Variants in GPHN observed in about 807,000 individuals in gnomAD.
GPHN encodes the protein gephyrin.
GPHN carries 17 observed loss-of-function variants against 95.5 expected under a neutral mutation model. That is an observed-to-expected ratio of 0.18 (90% CI 0.12 to 0.27). The LOEUF (loss-of-function observed/expected upper bound fraction) is 0.27, where lower values mean the gene tolerates loss of function less well. GPHN is among the 10% of genes least tolerant of loss of function. GPHN has a pLI of 1.00. For synonymous variants in GPHN, 320 were observed against 322.5 expected, an observed-to-expected ratio of 0.99 and a Z score of 0.08; for missense variants, 660 against 978.1, an observed-to-expected ratio of 0.67 and a Z score of 4.34.
At chr14:66,614,447 G>T (rs28663518) in intron 1 of GPHN, among the ~76,000 whole-genome samples, 47,201 of 151,922 alleles carry the variant, frequency 0.31, 11,177 homozygotes, top group African/African-American at 0.64. Flanking sequence ...CTATTAAGAT[G>T]TAAATGATAT....
the GPHN span, among the ~76,000 whole-genome samples, chr14:67,602,989 G>A: frequency 3.9e-5 from 6 of 152,184 alleles, no homozygotes; most frequent in African/African-American, 7.2e-5. Context: ...CATTCATTTC[G>A]CCAAACTTCC....
the GPHN span, among the ~76,000 whole-genome samples, chr14:67,556,402 C>A: frequency 6.6e-6 from 1 of 152,184 alleles, no homozygotes; most frequent in African/African-American, 2.4e-5. Context: ...TCCCAAAGTG[C>A]TGAGATTACA....
chr14:67,691,583 A>T, the GPHN span: 1 of 222,444 alleles, frequency 4.5e-6, no homozygotes, highest in Non-Finnish European at 8.9e-6. Context: ...AGCAAGAGAA[A>T]AAAGAATGTT....
Position 66,922,955 on chromosome 14 carries a change from T to C in GPHN, c.729+17T>C, listed in dbSNP as rs1405198398. Reference sequence around the variant, plus strand: ...GCTGCCAAGGTAAGCCTGATGAGAGTTACTCAGAGGCCTAAAGGACCCACA... The same window carrying C: ...GCTGCCAAGGTAAGCCTGATGAGAGCTACTCAGAGGCCTAAAGGACCCACA... On this transcript the variant is annotated intron_variant, in intron 7 of 22. Transcript: ENST00000478722. The C allele has an allele frequency of 1.6e-5, 26 of 1,607,584 alleles. No individual in the cohort carries two copies. In the Middle Eastern group the frequency reaches 6.6e-4, roughly 41 times the overall value.
intron 18 of GPHN, among the ~76,000 whole-genome samples, chr14:67,148,098 C>A (rs974469937): frequency 1.3e-5 from 2 of 152,038 alleles, no homozygotes; most frequent in Non-Finnish European, 2.9e-5. Flanking sequence ...TACTTGGTTA[C>A]CTAATTTTTC....
chr14:67,319,438 A>G, the GPHN span, among the ~76,000 whole-genome samples: 1 of 152,180 alleles, frequency 6.6e-6, no homozygotes, highest in African/African-American at 2.4e-5. Context: ...AGCATTCCAG[A>G]GTAGAGTAAA....
chr14:67,310,961 G>T, the GPHN span, among the ~76,000 whole-genome samples: 1 of 152,128 alleles, frequency 6.6e-6, no homozygotes. Context: ...TGCCCCTTTT[G>T]GGGTAGACTG....
At chr14:66,801,807 G>T (rs909614359) in intron 3 of GPHN, among the ~76,000 whole-genome samples, 11 of 141,588 alleles carry the variant, frequency 7.8e-5, no homozygotes, top group African/African-American at 3.0e-4. Flanking sequence ...TCCCGCTCCC[G>T]CTCCCTCTCC....
chr14:67,457,522 T>C, the GPHN span, among the ~76,000 whole-genome samples: 9,662 of 152,230 alleles, frequency 0.063, 426 homozygotes, highest in South Asian at 0.14. Context: ...GAAGGATCAT[T>C]TGAGCCCAGG....
At chr14:66,885,607 G>C (rs1007017243) in intron 5 of GPHN, among the ~76,000 whole-genome samples, 5 of 152,232 alleles carry the variant, frequency 3.3e-5, no homozygotes, top group African/African-American at 1.2e-4. Context: ...ACTGGCTGAA[G>C]TATCTTCAAG....
At chr14:67,683,087 A>C in the GPHN span, among the ~76,000 whole-genome samples, 40 of 152,230 alleles carry the variant, frequency 2.6e-4, 1 homozygote, top group Non-Finnish European at 4.4e-5. Flanking sequence ...GAGCCAGTGC[A>C]AAAATCTTAA....
intron 2 of GPHN, among the ~76,000 whole-genome samples, chr14:66,761,853 G>A (rs1364490568): frequency 1.3e-5 from 2 of 151,950 alleles, no homozygotes; most frequent in Non-Finnish European, 2.9e-5. Flanking sequence ...GTAGAGACTG[G>A]GTTTCACCGT....
intron 1 of GPHN, among the ~76,000 whole-genome samples, chr14:66,641,360 T>C (rs555633490): frequency 1.0e-3 from 155 of 152,182 alleles, no homozygotes; most frequent in Non-Finnish European, 1.8e-3. Flanking sequence ...CTATAGTATA[T>C]GAAATGTATT....
At chr14:66,721,679 A>T (rs539958875) in intron 2 of GPHN, among the ~76,000 whole-genome samples, 2 of 152,144 alleles carry the variant, frequency 1.3e-5, no homozygotes, top group Non-Finnish European at 2.9e-5. Flanking sequence ...GGCCGGGCAC[A>T]GTGCCTCATG....
At chr14:67,043,799 G>C (rs563527680) in intron 10 of GPHN, among the ~76,000 whole-genome samples, 52 of 152,232 alleles carry the variant, frequency 3.4e-4, no homozygotes, top group Non-Finnish European at 7.2e-4. Flanking sequence ...AGAAGGAATG[G>C]TACCAGCTAC....
the GPHN span, among the ~76,000 whole-genome samples, chr14:67,310,808 A>T: frequency 4.6e-5 from 7 of 152,150 alleles, no homozygotes; most frequent in East Asian, 7.7e-4. Context: ...CAAGCCAAAA[A>T]TTTTTTAAAA....
In GPHN at chr14:66,803,088, T is replaced by C. The variant is rs144042342; in HGVS notation, c.202-21386T>C. ...GTTTATTTGCTGCCCCAGAGCACTT[T>C]AGTGCCAGATGGTGAAGCTTTCAGG... is the stretch of plus-strand genomic sequence containing the variant. On this transcript the variant is annotated intron_variant, in intron 3 of 22. Transcript: ENST00000478722. 2.9e-3 allele frequency among the ~76,000 whole-genome samples: 445 copies of C among 152,298 alleles called. 1 individual carries two copies. The highest frequency in any genetic ancestry group is 3.0e-3 in the Non-Finnish European group (203 of 68,032).
intron 4 of GPHN, among the ~76,000 whole-genome samples, chr14:66,850,850 G>A (rs57598468): frequency 0.071 from 10,855 of 152,096 alleles, 957 homozygotes; most frequent in African/African-American, 0.2. Context: ...ACATTTCATT[G>A]TGAAACAGAA....
At chr14:67,396,443 T>C in the GPHN span, among the ~76,000 whole-genome samples, 2 of 151,744 alleles carry the variant, frequency 1.3e-5, no homozygotes, top group African/African-American at 4.9e-5. Flanking sequence ...CCAATGCGCC[T>C]GGCCTCTAAG....
Sources: allele counts gnomAD v4.1 joint callset (sites outside exome capture counted in the v4.1 genomes callset), GRCh38; gene constraint gnomAD v4.1.1; transcripts MANE v1.5; gene names NCBI Gene and HGNC (gene_info 2026-07-23, HGNC 2026-07-21).